Variants in STXBP5L observed in about 807,000 individuals in gnomAD.
STXBP5L encodes the protein syntaxin binding protein 5L, also known as syntaxin-binding protein 5-like.
A neutral mutation model predicts 144.5 loss-of-function variants in STXBP5L; 65 were observed. The observed-to-expected ratio is 0.45, with a 90% CI of 0.37 to 0.55. The LOEUF (loss-of-function observed/expected upper bound fraction) is 0.55, where lower values mean the gene tolerates loss of function less well. STXBP5L is among the 20% of genes least tolerant of loss of function. The probability of loss-of-function intolerance (pLI) is 0.00; values close to 1 mark genes in which losing one functional copy is unlikely to be tolerated. For synonymous variants in STXBP5L, 505 were observed against 469.6 expected, an observed-to-expected ratio of 1.08 and a Z score of -0.97; for missense variants, 1,298 against 1,405.5, an observed-to-expected ratio of 0.92 and a Z score of 1.22.
At chr3:121,187,493 G>A (rs1002427331) in intron 9 of STXBP5L, among the ~76,000 whole-genome samples, 3 of 150,774 alleles carry the variant, frequency 2.0e-5, no homozygotes, top group East Asian at 1.9e-4. Flanking sequence ...TACCAACATG[G>A]CACATGTATA....
intron 5 of STXBP5L, among the ~76,000 whole-genome samples, chr3:121,109,434 C>T (rs1248521798): frequency 6.6e-6 from 1 of 152,070 alleles, no homozygotes. Context: ...TTTATTTGTT[C>T]TCATTGGTTT....
At chr3:121,157,391 A>G in intron 8 of STXBP5L, 113 bp from the exon 9 acceptor site, 1 of 1,139,582 alleles carries the variant, frequency 8.8e-7, no homozygotes, top group South Asian at 2.0e-5. Flanking sequence ...TATGTTTTTT[A>G]AGTGTTGTTA....
intron 3 of STXBP5L, among the ~76,000 whole-genome samples, chr3:121,008,109 T>G (rs1944486011): frequency 6.6e-6 from 1 of 152,026 alleles, no homozygotes; most frequent in Non-Finnish European, 1.5e-5. Flanking sequence ...TATGTAGGCC[T>G]TTTCTGGGTG....
intron 23 of STXBP5L, among the ~76,000 whole-genome samples, chr3:121,409,144 C>T (rs1188597859): frequency 2.6e-5 from 4 of 151,558 alleles, no homozygotes; most frequent in Non-Finnish European, 1.5e-5. Context: ...AAAGTTATGT[C>T]AGGAAATGAG....
chr3:121,162,843 A>G (rs1402670005), intron 9 of STXBP5L, among the ~76,000 whole-genome samples: 2 of 152,268 alleles, frequency 1.3e-5, no homozygotes, highest in African/African-American at 4.8e-5. Context: ...ACTGGTCATT[A>G]GAGAAATGCA....
intron 5 of STXBP5L, among the ~76,000 whole-genome samples, chr3:121,062,952 A>C (rs569402470): frequency 4.6e-5 from 7 of 152,276 alleles, no homozygotes; most frequent in African/African-American, 1.7e-4. Context: ...GGGTTAAAAC[A>C]TGCTCCTTTA....
chr3:121,217,593 G>A (rs963563314), intron 10 of STXBP5L, among the ~76,000 whole-genome samples: 4 of 152,086 alleles, frequency 2.6e-5, no homozygotes, highest in Non-Finnish European at 4.4e-5. Context: ...TGTTGATGTC[G>A]CTGGGAGCTG....
At chr3:121,036,639 G>T (rs73187425) in intron 3 of STXBP5L, among the ~76,000 whole-genome samples, 19,789 of 152,034 alleles carry the variant, frequency 0.13, 1,615 homozygotes, top group Non-Finnish European at 0.19. Context: ...TAATCAGATT[G>T]AGGAAGTTCA....
Position 121,407,468 on chromosome 3 carries a change from C to T in STXBP5L, c.2813C>T (p.Ser938Leu), listed in dbSNP as rs747744863. 6.2e-7 allele frequency: 1 copy of T among 1,613,352 alleles called. No homozygotes were observed. The change falls in exon 23 of 27, where the codon TCA becomes TTA. Residue 938 changes from serine (S) to leucine (L), a missense_variant. Ser to Leu is a moderately radical substitution (Grantham distance 145, BLOSUM62 -2). Transcript: ENST00000471454. ...TCAGAAAAACAAGCCAAAGTCTTCT[C>T]ACTGCCTTCTCAGACTTGCCTTTAT... ...ICSEKQAKVF[S>L]LPSQTCLYVH... is the part of the protein sequence containing the mutation.
At chr3:121,190,261 T>C (rs546998673) in intron 9 of STXBP5L, among the ~76,000 whole-genome samples, 1 of 152,302 alleles carries the variant, frequency 6.6e-6, no homozygotes, top group South Asian at 2.1e-4. Flanking sequence ...TGATGACTCT[T>C]AGCGAGCACG....
chr3:121,034,482 G>A (rs1316547728), intron 3 of STXBP5L, among the ~76,000 whole-genome samples: 1 of 151,968 alleles, frequency 6.6e-6, no homozygotes, highest in East Asian at 1.9e-4. Flanking sequence ...TGGCTGAATA[G>A]TATTCCATTA....
At chr3:121,052,869 C>T (rs999446103) in intron 5 of STXBP5L, among the ~76,000 whole-genome samples, 27 of 152,264 alleles carry the variant, frequency 1.8e-4, no homozygotes, top group African/African-American at 6.0e-4. Context: ...CCCAAAATCT[C>T]CTTAAGCTGA....
chr3:120,991,519 GAC>G (rs2107966947), intron 3 of STXBP5L, among the ~76,000 whole-genome samples: 1 of 152,334 alleles, frequency 6.6e-6, no homozygotes, highest in African/African-American at 2.4e-5. Flanking sequence ...CTACTATAAA[GAC>G]ACATGCACAT....
At chr3:121,171,359 C>A (rs1048935749) in intron 9 of STXBP5L, among the ~76,000 whole-genome samples, 6 of 152,028 alleles carry the variant, frequency 3.9e-5, no homozygotes, top group Admixed American at 3.9e-4. Context: ...CTGGCCAGGG[C>A]AATCAGGCAA....
intron 19 of STXBP5L, among the ~76,000 whole-genome samples, chr3:121,300,543 G>A (rs962710532): frequency 2.8e-4 from 43 of 151,938 alleles, no homozygotes; most frequent in Admixed American, 2.7e-3. Flanking sequence ...CATAGGAGAA[G>A]TGATGTAAGA....
intron 9 of STXBP5L, among the ~76,000 whole-genome samples, chr3:121,182,886 A>G (rs1239404942): frequency 6.6e-6 from 1 of 152,214 alleles, no homozygotes; most frequent in Non-Finnish European, 1.5e-5. Context: ...AATATCCCTG[A>G]TGAACATAGA....
chr3:121,026,803 A>G (rs539142114), intron 3 of STXBP5L, among the ~76,000 whole-genome samples: 1 of 152,118 alleles, frequency 6.6e-6, no homozygotes, highest in Non-Finnish European at 1.5e-5. Flanking sequence ...ATATGTAACA[A>G]ACCTTCACGT....
chr3:121,114,048 A>T (rs745395414), intron 5 of STXBP5L, among the ~76,000 whole-genome samples: 1 of 152,160 alleles, frequency 6.6e-6, no homozygotes. Flanking sequence ...TGAAAAATTT[A>T]TTGGTCTGTC....
chr3:121,012,347 T>A (rs1374443260), intron 3 of STXBP5L, among the ~76,000 whole-genome samples: 2 of 151,868 alleles, frequency 1.3e-5, no homozygotes, highest in African/African-American at 4.8e-5. Context: ...AATTGCTGCA[T>A]CATGTGGTAA....
Sources: allele counts gnomAD v4.1 joint callset (sites outside exome capture counted in the v4.1 genomes callset), GRCh38; gene constraint gnomAD v4.1.1; transcripts MANE v1.5; gene names NCBI Gene and HGNC (gene_info 2026-07-23, HGNC 2026-07-21).